ATG10: variants seen among roughly 807,000 people sequenced by gnomAD.
ATG10 encodes autophagy related 10.
A neutral mutation model predicts 32.1 loss-of-function variants in ATG10; 30 were observed. That is an observed-to-expected ratio of 0.94 (90% confidence interval 0.70 to 1.27). The LOEUF (loss-of-function observed/expected upper bound fraction) is 1.27. Ranked by LOEUF, ATG10 falls within the 50% of genes most tolerant of loss-of-function variation. The probability of loss-of-function intolerance (pLI) is 0.00; values close to 1 mark genes in which losing one functional copy is unlikely to be tolerated. For missense variants in ATG10, 233 were observed against 262.3 expected (o/e 0.89, Z 0.77); for synonymous variants, 87 against 91.5 (o/e 0.95, Z 0.28).
At chr5:82,151,871 A>AAAT (rs1466367294) in intron 3 of ATG10, among the ~76,000 whole-genome samples, 1 of 152,180 alleles carries the variant, frequency 6.6e-6, no homozygotes, top group African/African-American at 2.4e-5. Context: ...AAGGGGATTG[A>AAAT]AATATGAGAT....
chr5:82,136,626 T>C (rs770779695), intron 3 of ATG10, among the ~76,000 whole-genome samples: 6 of 151,784 alleles, frequency 4.0e-5, no homozygotes, highest in African/African-American at 1.4e-4. Flanking sequence ...CCTTTGTGGG[T>C]ACCCTGGCTG....
In ATG10 at chr5:81,984,149, A is replaced by G. The variant is rs551481127; in HGVS notation, c.-12-3410A>G. On this transcript the variant is annotated intron_variant, in intron 1 of 7. Coordinates refer to ENST00000282185, the MANE Select transcript of ATG10 (RefSeq NM_031482.5). Reference sequence around the variant, plus strand: ...CAGCCTGGGCACCATTGAGCACTGAATGAACCAGACTCCGTCTGCAATCCC... The same window carrying G: ...CAGCCTGGGCACCATTGAGCACTGAGTGAACCAGACTCCGTCTGCAATCCC... Among the ~76,000 whole-genome samples the G allele has an allele frequency of 1.2e-3, 176 of 152,342 alleles. 2 individuals are homozygous for G. The highest frequency in any genetic ancestry group is 2.3e-3 in the Admixed American group (35 of 15,304).
intron 2 of ATG10, among the ~76,000 whole-genome samples, chr5:82,007,910 C>G (rs1259946311): frequency 6.6e-6 from 1 of 151,996 alleles, no homozygotes; most frequent in Non-Finnish European, 1.5e-5. Context: ...AAATTTTAAT[C>G]TTTATAAAGA....
rs979408754 is a variant in ATG10, at chr5:82,032,790, ATACT to A, written c.109-25702_109-25699del. On this transcript the variant is annotated intron_variant, in intron 2 of 7. Transcript: ENST00000282185. ...ACTATTAAGACATTATTAATGGCTA[ATACT>A]TATTTAGTGATTGCTATGTGCCAGA... Among the ~76,000 whole-genome samples the A allele has an allele frequency of 2.1e-4, 32 of 151,588 alleles. No individual in the cohort carries two copies. In the Middle Eastern group the frequency reaches 0.014, roughly 66 times the overall value.
intron 3 of ATG10, among the ~76,000 whole-genome samples, chr5:82,160,038 G>A (rs1004684331): frequency 7.9e-5 from 12 of 152,036 alleles, no homozygotes; most frequent in Non-Finnish European, 1.8e-4. Context: ...AGTTTTACTT[G>A]TACTCATTGT....
intron 1 of ATG10, among the ~76,000 whole-genome samples, chr5:81,983,237 C>G (rs538739815): frequency 8.4e-5 from 10 of 119,432 alleles, no homozygotes; most frequent in African/African-American, 2.2e-4. Context: ...GGGGGCTGAC[C>G]CCCCCCCCCA....
intron 3 of ATG10, among the ~76,000 whole-genome samples, chr5:82,148,856 C>A (rs762763447): frequency 9.2e-5 from 14 of 152,060 alleles, no homozygotes; most frequent in Non-Finnish European, 1.8e-4. Context: ...TCATTTTTAT[C>A]TTTTTATATT....
intron 3 of ATG10, among the ~76,000 whole-genome samples, chr5:82,146,460 T>C (rs1039694602): frequency 6.6e-5 from 10 of 152,098 alleles, no homozygotes; most frequent in Non-Finnish European, 1.3e-4. Context: ...AATTTATTTT[T>C]TTGTCAAGTT....
At chr5:82,204,536 A>G (rs1745207500) in intron 5 of ATG10, among the ~76,000 whole-genome samples, 1 of 152,218 alleles carries the variant, frequency 6.6e-6, no homozygotes, top group African/African-American at 2.4e-5. Flanking sequence ...TTTTAAATAA[A>G]CAATTTTGGC....
At chr5:82,151,616 A>G (rs1767597166) in intron 3 of ATG10, among the ~76,000 whole-genome samples, 1 of 148,206 alleles carries the variant, frequency 6.7e-6, no homozygotes. Context: ...CCTGCAAAGA[A>G]TCCCTGGAAC....
At chr5:82,010,306 C>T (rs1000513121) in intron 2 of ATG10, among the ~76,000 whole-genome samples, 12 of 152,082 alleles carry the variant, frequency 7.9e-5, no homozygotes, top group Admixed American at 1.3e-4. Flanking sequence ...TGGGGAATTT[C>T]GTTTTGGTAC....
chr5:81,977,996 G>T (rs1162703682), intron 1 of ATG10, among the ~76,000 whole-genome samples: 4 of 152,128 alleles, frequency 2.6e-5, no homozygotes, highest in South Asian at 2.1e-4. Flanking sequence ...TATGGCACTT[G>T]GTAGTATATT....
Position 82,169,676 on chromosome 5 carries a change from T to C in ATG10, c.355+5139T>C, listed in dbSNP as rs567409681. ...TATATTTATGTTACACATATGTTTATGTAGACAGTAAATCTAGCCAAGGTC... is the reference window on the plus strand; with the variant it reads ...TATATTTATGTTACACATATGTTTACGTAGACAGTAAATCTAGCCAAGGTC... On this transcript the variant is annotated intron_variant, in intron 4 of 7. Transcript: ENST00000282185. Among the ~76,000 whole-genome samples the C allele has an allele frequency of 3.9e-5, 6 of 152,330 alleles. No homozygotes were observed. The East Asian group carries it at 1.2e-3, about 29-fold the overall frequency.
At chr5:82,115,952 G>A (rs1765795161) in intron 3 of ATG10, among the ~76,000 whole-genome samples, 1 of 152,088 alleles carries the variant, frequency 6.6e-6, no homozygotes, top group Non-Finnish European at 1.5e-5. Flanking sequence ...TACAAGGTGG[G>A]AATAGGTAAA....
chr5:82,099,195 C>T (rs1173408948), intron 3 of ATG10, among the ~76,000 whole-genome samples: 1 of 151,958 alleles, frequency 6.6e-6, no homozygotes, highest in African/African-American at 2.4e-5. Flanking sequence ...AACTTTACCT[C>T]TATAAAGGAA....
intron 4 of ATG10, among the ~76,000 whole-genome samples, chr5:82,177,133 T>A (rs1339626646): frequency 6.6e-6 from 1 of 152,148 alleles, no homozygotes; most frequent in African/African-American, 2.4e-5. Context: ...TTTATTGAGC[T>A]CTTATTGTGT....
Position 82,103,726 on chromosome 5 carries a change from G to T in ATG10, c.216+45124G>T, listed in dbSNP as rs1441581595. 2.0e-5 allele frequency among the ~76,000 whole-genome samples: 3 copies of T among 152,230 alleles called. No homozygotes were observed. The East Asian group carries it at 5.8e-4, about 29-fold the overall frequency. On this transcript the variant is annotated intron_variant, in intron 3 of 7. Coordinates refer to ENST00000282185, the MANE Select transcript of ATG10 (RefSeq NM_031482.5). ...GAATGTATGCCTTGGGTGGGCTTCAGTGGTTCTCCACAGCTTCTGCCTACA... is the reference window on the plus strand; with the variant it reads ...GAATGTATGCCTTGGGTGGGCTTCATTGGTTCTCCACAGCTTCTGCCTACA...
At chr5:82,165,667 A>G (rs1743544666) in intron 4 of ATG10, among the ~76,000 whole-genome samples, 2 of 152,230 alleles carry the variant, frequency 1.3e-5, no homozygotes, top group Admixed American at 6.5e-5. Context: ...CTGTGGATTT[A>G]TCCATATAAT....
intron 1 of ATG10, 143 bp from the exon 2 acceptor site, chr5:81,987,416 C>G: frequency 1.7e-6 from 1 of 572,396 alleles, no homozygotes; most frequent in South Asian, 2.1e-5. Flanking sequence ...TGAGCCACCA[C>G]GCCTGGCCAA....
Sources: allele counts gnomAD v4.1 joint callset (sites outside exome capture counted in the v4.1 genomes callset), GRCh38; gene constraint gnomAD v4.1.1; transcripts MANE v1.5; gene names NCBI Gene and HGNC (gene_info 2026-07-23, HGNC 2026-07-21).